Variants in IL9R observed in about 807,000 individuals in gnomAD.
IL9R encodes interleukin-9 receptor.
IL9R carries 54 observed loss-of-function variants against 56.3 expected under a neutral mutation model. The observed-to-expected ratio is 0.96, with a 90% confidence interval of 0.77 to 1.20. The LOEUF is 1.20. Ranked by LOEUF, IL9R falls within the 50% of genes most tolerant of loss-of-function variation. The pLI, the probability that IL9R is intolerant of heterozygous loss-of-function variation, is 0.00. For synonymous variants in IL9R, 212 were observed against 250.2 expected (o/e 0.85, Z 1.44); for missense variants, 545 against 629.8 (o/e 0.87, Z 1.44).
At chrX:156,011,467 G>C (rs2068442054), downstream of IL9R, among the ~76,000 whole-genome samples, 1 of 102,080 alleles carries the variant, frequency 9.8e-6, no homozygotes, top group Non-Finnish European at 1.7e-5. Context: ...GGTGCAGGAG[G>C]AAGAATTCTT....
intron 1 of IL9R, among the ~76,000 whole-genome samples, chrX:155,998,122 G>A (rs1331270015): frequency 1.3e-5 from 2 of 152,082 alleles, no homozygotes; most frequent in Admixed American, 6.6e-5. Context: ...TTGTGGGGGT[G>A]CCTTTGTGGG....
At chrX:155,999,603 T>C (rs2067375258) in intron 1 of IL9R, among the ~76,000 whole-genome samples, 1 of 152,132 alleles carries the variant, frequency 6.6e-6, no homozygotes, top group African/African-American at 2.4e-5. Flanking sequence ...CCTCATGTGG[T>C]CCAGAGAGGG....
rs1327551018 is a variant in IL9R at position 156,005,200 on chromosome X, T to C, written c.580-78T>C. 13 of 1,103,706 alleles carry C rather than the reference T, an allele frequency of 1.2e-5. No individual in the cohort carries two copies. In the African/African-American group the frequency reaches 1.9e-4, roughly 16 times the overall value. The allele number at this position is 1,103,706 out of a possible 1,614,324, so 68.4% of individuals were successfully genotyped here. On this transcript the variant is annotated intron_variant, in intron 5 of 8. Transcript: ENST00000244174. ...TTCAAGAGTGTGTTATATGAGCATA[T>C]AATGCATGTGTGTATTCTCGAGGGC...
chrX:156,006,636 C>T (rs1441612804), intron 7 of IL9R, among the ~76,000 whole-genome samples: 5 of 151,824 alleles, frequency 3.3e-5, no homozygotes, highest in Non-Finnish European at 7.3e-5. Flanking sequence ...CAAGGGCCCT[C>T]CTTAAATAAA....
intron 4 of IL9R, 117 bp from the exon 5 acceptor site, chrX:156,004,303 T>A: frequency 9.7e-7 from 1 of 1,032,168 alleles, no homozygotes; most frequent in Non-Finnish European, 1.5e-6. Flanking sequence ...AGGTGCCTGG[T>A]CTGAGAGGGC....
At chrX:156,009,252 C>CTGTGTGTGTTTATGTCTGTGTGTGTT (rs2068285966) in intron 8 of IL9R, among the ~76,000 whole-genome samples, 1 of 69,612 alleles carries the variant, frequency 1.4e-5, no homozygotes, top group Non-Finnish European at 3.0e-5. Flanking sequence ...GTGTGTGTGT[C>CTGTGTGTGTTTATGTCTGTGTGTGTT]TGTGTGTGTG....
rs143605658 is a variant in IL9R at position 156,004,543 on chromosome X, A to G, written c.557A>G (p.Lys186Arg). The G allele has an allele frequency of 1.9e-6, 3 of 1,612,810 alleles. No individual in the cohort carries two copies. The highest frequency in any genetic ancestry group is 2.7e-5 in the African/African-American group (2 of 74,908). ...TTLLSYELAF[K>R]KQEEAWEQAQ... ...CTTCTCAGCTATGAGCTGGCCTTCA[A>G]GAAGCAGGAAGAGGCCTGGGAGGTA... Residue 186 changes from lysine (K) to arginine (R), a missense_variant, in exon 5 of 9, where the codon AAG becomes AGG. This residue lies in a region of IL9R where 431 missense variants were observed against 360.0 expected (regional missense o/e 1.20). Transcript: ENST00000244174.
In IL9R at chrX:156,003,727, G is replaced by T. The variant is rs1468679324; in HGVS notation, c.305G>T (p.Cys102Phe). 3 of 1,613,798 alleles carry T rather than the reference G, an allele frequency of 1.9e-6. No homozygotes were observed. The highest frequency in any genetic ancestry group is 1.3e-5 in the African/African-American group (1 of 75,054). ...THKCILRGSE[C>F]TVVLPPEAVL... ...AAGTGCATCTTGCGGGGCAGTGAGT[G>T]CACCGTCGTGCTGCCACCTGAGGCA... Residue 102 changes from cysteine to phenylalanine, a missense_variant, in exon 4 of 9, where the codon TGC becomes TTC. This residue lies in a region of IL9R where 431 missense variants were observed against 360.0 expected (regional missense o/e 1.20). Transcript: ENST00000244174.
rs773811613 is a variant in IL9R at position 156,003,804 on chromosome X, G to A, written c.382G>A (p.Gly128Arg). 2 of 1,613,776 alleles carry A rather than the reference G, an allele frequency of 1.2e-6. No homozygotes were observed. The highest frequency in any genetic ancestry group is 1.7e-5 in the Admixed American group (1 of 59,982). The change falls in exon 4 of 9, where the codon GGG becomes AGG. Residue 128 changes from glycine to arginine, a missense_variant. Coordinates refer to ENST00000244174, the MANE Select transcript of IL9R (RefSeq NM_002186.3). ...FTITFHHCMS[G>R]REQVSLVDPE... ...CATCACTTTCCACCACTGCATGTCTGGGAGGGAGCAGGTCAGCCTGGTGGA... is the reference window on the plus strand; with the variant it reads ...CATCACTTTCCACCACTGCATGTCTAGGAGGGAGCAGGTCAGCCTGGTGGA...
intron 1 of IL9R, among the ~76,000 whole-genome samples, chrX:155,999,479 C>T (rs1402368794): frequency 2.6e-5 from 4 of 152,112 alleles, no homozygotes; most frequent in Non-Finnish European, 5.9e-5. Context: ...TACTTGCCTC[C>T]AGCTGGCCTT....
intron 8 of IL9R, among the ~76,000 whole-genome samples, chrX:156,008,803 C>G (rs2124549571): frequency 6.6e-6 from 1 of 152,322 alleles, no homozygotes; most frequent in East Asian, 1.9e-4. Context: ...CAGAAGGATC[C>G]AGGTCTGCTG....
rs1408860831 is a variant in IL9R at position 156,009,788 on chromosome X, C to T, written c.973-28C>T. ...TGAGTTCTGAACATGCTACCTGAGCCCTTCCCTCCTCCCGTGCTCTGTTCC... is the reference window on the plus strand; with the variant it reads ...TGAGTTCTGAACATGCTACCTGAGCTCTTCCCTCCTCCCGTGCTCTGTTCC... On this transcript the variant is annotated intron_variant, in intron 8 of 8. Coordinates refer to ENST00000244174, the MANE Select transcript of IL9R (RefSeq NM_002186.3). 1.2e-5 allele frequency: 13 copies of T among 1,111,068 alleles called. 2 individuals are homozygous for T. Among genetic ancestry groups the T allele is most frequent in the Non-Finnish European group, 1.5e-5 (13 of 839,552 alleles). The allele number at this position is 1,111,068 out of a possible 1,614,324, so 68.8% of individuals were successfully genotyped here.
Position 156,004,416 on chromosome X carries a change from C to T in IL9R, c.434-4C>T, listed in dbSNP as rs760861031. The T allele has an allele frequency of 9.3e-6, 15 of 1,613,844 alleles. No homozygotes were observed. In the South Asian group the frequency reaches 9.9e-5, roughly 11 times the overall value. Reference sequence around the variant, plus strand: ...CAGCCTCACATGGATTCACTCTGTTCCAGTTAAGCTGGACCCGCCCTCTGA... The same window carrying T: ...CAGCCTCACATGGATTCACTCTGTTTCAGTTAAGCTGGACCCGCCCTCTGA... On this transcript the variant is annotated splice_polypyrimidine_tract_variant and splice_region_variant and intron_variant, in intron 4 of 8. Coordinates refer to ENST00000244174, the MANE Select transcript of IL9R (RefSeq NM_002186.3).
Position 156,003,770 on chromosome X carries a change from C to G in IL9R, c.348C>G (p.Asp116Glu). ...LPPEAVLVPS[D>E]NFTITFHHCM... ...CTGAGGCAGTGCTCGTGCCATCTGA[C>G]AATTTCACCATCACTTTCCACCACT... Residue 116 changes from aspartate (D) to glutamate (E), a missense_variant, in exon 4 of 9, where the codon GAC becomes GAG. By Grantham distance (45) the Asp-to-Glu change is conservative. Around this residue, in one of 2 missense-constraint regions of IL9R, gnomAD observed 431 missense variants for 360.0 expected, o/e 1.20. Transcript: ENST00000244174. 1 of 1,613,996 alleles carries G rather than the reference C, an allele frequency of 6.2e-7. No individual in the cohort carries two copies. The highest frequency in any genetic ancestry group is 8.5e-7 in the Non-Finnish European group (1 of 1,179,868).
intron 7 of IL9R, 98 bp downstream of exon 7, chrX:156,006,286 G>C: frequency 5.8e-6 from 4 of 688,024 alleles, no homozygotes; most frequent in Non-Finnish European, 1.0e-5. Flanking sequence ...GCATGTGTGA[G>C]TGTGTGGTGG....
intron 6 of IL9R, among the ~76,000 whole-genome samples, chrX:156,005,773 C>T (rs1025761476): frequency 6.6e-6 from 1 of 152,056 alleles, no homozygotes; most frequent in Non-Finnish European, 1.5e-5. Flanking sequence ...ACCTCAGTGT[C>T]CTTAATGGGG....
At chrX:156,008,954 TG>T (rs1397508624) in intron 8 of IL9R, among the ~76,000 whole-genome samples, 8 of 151,846 alleles carry the variant, frequency 5.3e-5, no homozygotes, top group African/African-American at 1.9e-4. Context: ...TGTCTGTGTG[TG>T]TGTGTTTATG....
rs1300966801 is a variant in IL9R, at chrX:156,005,437, G to C, written c.739G>C (p.Glu247Gln). ...GGAGCGTTATACAGGCCAGTGGAGT[G>C]AGTGGAGCCAGCCTGTGTGCTTCCA... is the stretch of plus-strand genomic sequence containing the variant. ...EEERYTGQWS[E>Q]WSQPVCFQAP... The change falls in exon 6 of 9, where the codon GAG becomes CAG. Residue 247 changes from glutamate (E) to glutamine (Q), a missense_variant. This residue lies in a region of IL9R where 431 missense variants were observed against 360.0 expected (regional missense o/e 1.20). Coordinates refer to ENST00000244174, the MANE Select transcript of IL9R (RefSeq NM_002186.3). The C allele has an allele frequency of 6.2e-7, 1 of 1,613,046 alleles. No individual in the cohort carries two copies. The highest frequency in any genetic ancestry group is 8.5e-7 in the Non-Finnish European group (1 of 1,179,844).
chrX:156,003,940 CTG>C, intron 4 of IL9R, 85 bp downstream of exon 4: 1 of 1,364,166 alleles, frequency 7.3e-7, no homozygotes, highest in Non-Finnish European at 1.0e-6. Context: ...GCCTTGCAGC[CTG>C]TGAGTGGCCC....
Sources: allele counts gnomAD v4.1 joint callset (sites outside exome capture counted in the v4.1 genomes callset), GRCh38; gene constraint gnomAD v4.1.1; regional missense constraint gnomAD v4.1.1; transcripts MANE v1.5; gene names NCBI Gene and HGNC (gene_info 2026-07-23, HGNC 2026-07-21).